Variants in SLC30A9 observed in about 807,000 individuals in gnomAD.
SLC30A9 encodes solute carrier family 30 member 9.
Under a neutral mutation model 87.5 loss-of-function variants are expected in SLC30A9, and 58 were observed. The observed-to-expected ratio is 0.66, with a 90% confidence interval of 0.54 to 0.82. SLC30A9 has a LOEUF of 0.82. Among genes scored for constraint, SLC30A9 ranks in the 40% least tolerant of loss-of-function variants. The pLI is 0.00. For synonymous variants in SLC30A9, 234 were observed against 233.0 expected (o/e 1.00, Z -0.04); for missense variants, 557 against 679.1 (o/e 0.82, Z 2.00).
chr4:42,083,778 T>A (rs922278822), intron 17 of SLC30A9, among the ~76,000 whole-genome samples: 6 of 152,158 alleles, frequency 3.9e-5, no homozygotes, highest in African/African-American at 1.2e-4. Flanking sequence ...AATTTTTTTT[T>A]AATTCTATAT....
At chr4:41,998,756 C>T (rs1274944760) in intron 1 of SLC30A9, among the ~76,000 whole-genome samples, 4 of 152,036 alleles carry the variant, frequency 2.6e-5, no homozygotes, top group Non-Finnish European at 5.9e-5. Context: ...GAGCCATGCA[C>T]CCTGCGGAAT....
intron 2 of SLC30A9, among the ~76,000 whole-genome samples, chr4:42,003,507 A>G (rs1370489141): frequency 6.6e-6 from 1 of 152,120 alleles, no homozygotes; most frequent in African/African-American, 2.4e-5. Context: ...TAGAATTATT[A>G]CCTAACACTG....
In SLC30A9 at chr4:42,038,999, C is replaced by A; in HGVS notation, c.683C>A (p.Thr228Lys). ...GTTTTTTTACAGCCACGCTCCAGAACAGCATCAGTGTTTTTTAAGGGACCA... is the reference window on the plus strand; with the variant it reads ...GTTTTTTTACAGCCACGCTCCAGAAAAGCATCAGTGTTTTTTAAGGGACCA... ...FLGNTKPRSRTASVFFKGPGK... is the reference protein window; with the variant it reads ...FLGNTKPRSRKASVFFKGPGK... Residue 228 changes from threonine to lysine, a missense_variant, in exon 8 of 18, where the codon ACA becomes AAA. By Grantham distance (78) the Thr-to-Lys change is moderately conservative (BLOSUM62 -1). Coordinates refer to ENST00000264451, the MANE Select transcript of SLC30A9 (RefSeq NM_006345.4). 6.2e-7 allele frequency: 1 copy of A among 1,613,612 alleles called. No individual in the cohort carries two copies. Among genetic ancestry groups the A allele is most frequent in the Non-Finnish European group, 8.5e-7 (1 of 1,179,656 alleles).
At chr4:42,071,759 T>G (rs1488561403) in intron 15 of SLC30A9, among the ~76,000 whole-genome samples, 1 of 152,144 alleles carries the variant, frequency 6.6e-6, no homozygotes, top group Non-Finnish European at 1.5e-5. Flanking sequence ...TAATCCAAAT[T>G]AATATCCTTT....
intron 7 of SLC30A9, among the ~76,000 whole-genome samples, chr4:42,037,691 T>C (rs900679907): frequency 1.1e-4 from 17 of 152,198 alleles, no homozygotes; most frequent in African/African-American, 4.1e-4. Context: ...AAAATAGATA[T>C]TGGCTATCCA....
At chr4:42,050,089 A>G (rs997280889) in intron 9 of SLC30A9, among the ~76,000 whole-genome samples, 7 of 152,170 alleles carry the variant, frequency 4.6e-5, no homozygotes, top group African/African-American at 9.6e-5. Flanking sequence ...GAGAACTTCA[A>G]TGAGAGACAC....
At chr4:42,071,068 G>C (rs1340431569) in intron 15 of SLC30A9, among the ~76,000 whole-genome samples, 3 of 151,920 alleles carry the variant, frequency 2.0e-5, no homozygotes, top group Non-Finnish European at 2.9e-5. Flanking sequence ...TTTGTTCATT[G>C]GGCAATGATT....
intron 8 of SLC30A9, among the ~76,000 whole-genome samples, chr4:42,044,518 G>A (rs2960673): frequency 0.98 from 148,640 of 152,314 alleles, 72,542 homozygotes; most frequent in East Asian, 1. Context: ...AGAGCTAACT[G>A]TCCTAAATAT....
At chr4:41,998,010 A>G (rs1227010973) in intron 1 of SLC30A9, among the ~76,000 whole-genome samples, 2 of 152,238 alleles carry the variant, frequency 1.3e-5, no homozygotes, top group Non-Finnish European at 2.9e-5. Context: ...GAAGCAACGT[A>G]TACAGTAGAC....
intron 8 of SLC30A9, among the ~76,000 whole-genome samples, chr4:42,045,324 TAAAAA>T (rs1049522915): frequency 4.0e-5 from 6 of 150,088 alleles, no homozygotes; most frequent in African/African-American, 9.8e-5. Flanking sequence ...GCCAGACTAA[TAAAAA>T]AGAAAAGAGA....
intron 2 of SLC30A9, among the ~76,000 whole-genome samples, chr4:42,012,562 A>G (rs985072323): frequency 6.6e-6 from 1 of 152,190 alleles, no homozygotes; most frequent in African/African-American, 2.4e-5. Flanking sequence ...GTGATGGAGA[A>G]TGGGGTATCC....
At chr4:42,054,680 C>A (rs373484054) in intron 9 of SLC30A9, among the ~76,000 whole-genome samples, 18 of 151,732 alleles carry the variant, frequency 1.2e-4, no homozygotes, top group African/African-American at 4.1e-4. Context: ...TTAGTAGAGA[C>A]GGGGTTTCAC....
chr4:42,087,601 T>C lies in SLC30A9; in HGVS notation c.*1475T>C, dbSNP rs1396297276. 1.3e-5 allele frequency: 2 copies of C among 151,766 alleles called. No individual in the cohort carries two copies. Among genetic ancestry groups the C allele is most frequent in the African/African-American group, 4.8e-5 (2 of 41,362 alleles). The allele number at this position is 151,766 out of a possible 1,614,324, so 9.4% of individuals were successfully genotyped here. A position where few individuals can be genotyped will look rare whatever the true frequency, so the allele number is the denominator to read the frequency against. On this transcript the variant is annotated 3_prime_UTR_variant, in exon 18 of 18. Transcript: ENST00000264451. ...TTTACGTTGGTGTATTTTTCTTTTT[T>C]TTTTTTTTACTATTACAGAGTATTT... is the stretch of plus-strand genomic sequence containing the variant.
intron 17 of SLC30A9, among the ~76,000 whole-genome samples, chr4:42,081,266 T>A (rs4467606): frequency 2.0e-5 from 3 of 152,196 alleles, no homozygotes; most frequent in African/African-American, 7.2e-5. Flanking sequence ...AAAATGGATA[T>A]ATTTGCTATT....
At position 42,088,080 on chromosome 4, in the gene SLC30A9, TA is replaced by T. The variant is rs1718984975; in HGVS notation, c.*1957del. ...ATTTTGGTTGAGGTCATACCATTCTTAAATAATAATTGAAGGTTTATGTTGC... is the reference window on the plus strand; with the variant it reads ...ATTTTGGTTGAGGTCATACCATTCTTAATAATAATTGAAGGTTTATGTTGC... On this transcript the variant is annotated 3_prime_UTR_variant, in exon 18 of 18. Coordinates refer to ENST00000264451, the MANE Select transcript of SLC30A9 (RefSeq NM_006345.4). 1 of 152,180 alleles carries T rather than the reference TA, an allele frequency of 6.6e-6. No individual in the cohort carries two copies. The highest frequency in any genetic ancestry group is 6.5e-5 in the Admixed American group (1 of 15,274). The allele number at this position is 152,180 out of a possible 1,614,324, so 9.4% of individuals were successfully genotyped here.
chr4:42,084,256 T>C (rs1436973595), intron 17 of SLC30A9, among the ~76,000 whole-genome samples: 1 of 152,174 alleles, frequency 6.6e-6, no homozygotes, highest in Non-Finnish European at 1.5e-5. Context: ...TTTTTAATAC[T>C]TTTAGTATGT....
chr4:42,086,391 A>G lies in SLC30A9; in HGVS notation c.*265A>G. On this transcript the variant is annotated 3_prime_UTR_variant, in exon 18 of 18. Transcript: ENST00000264451. ...CATAGGGAACATTTTGGTTATTTAA[A>G]TTGTTCATAATGTCCCATATTTCAC... is the stretch of plus-strand genomic sequence containing the variant. The G allele has an allele frequency of 3.2e-6, 1 of 308,132 alleles. No individual in the cohort carries two copies. The highest frequency in any genetic ancestry group is 1.4e-4 in the South Asian group (1 of 7,128). The allele number at this position is 308,132 out of a possible 1,614,324, so 19.1% of individuals were successfully genotyped here. A position where few individuals can be genotyped will look rare whatever the true frequency, so the allele number is the denominator to read the frequency against.
At chr4:42,045,199 A>T (rs1717096071) in intron 8 of SLC30A9, among the ~76,000 whole-genome samples, 1 of 152,160 alleles carries the variant, frequency 6.6e-6, no homozygotes, top group South Asian at 2.1e-4. Flanking sequence ...GAAGACAAGA[A>T]ATAACTAAGA....
rs184701344 is a variant in SLC30A9 at position 42,023,189 on chromosome 4, C to T, written c.528-113C>T. 2.4e-4 allele frequency: 190 copies of T among 792,254 alleles called. No individual in the cohort carries two copies. In the African/African-American group the frequency reaches 2.8e-3, roughly 12 times the overall value. 49.1% of individuals were successfully genotyped at this position (792,254 alleles called of 1,614,324 possible). On this transcript the variant is annotated intron_variant, in intron 5 of 17. Coordinates refer to ENST00000264451, the MANE Select transcript of SLC30A9 (RefSeq NM_006345.4). ...AGTTCCTAAGTCCTTTATGTTTCTC[C>T]AAAAGCACCTTACACTTTGTTGTAA... is the stretch of plus-strand genomic sequence containing the variant.
Sources: allele counts gnomAD v4.1 joint callset (sites outside exome capture counted in the v4.1 genomes callset), GRCh38; gene constraint gnomAD v4.1.1; transcripts MANE v1.5; gene names NCBI Gene and HGNC (gene_info 2026-07-23, HGNC 2026-07-21).